Variants in RASGRP3 observed in about 807,000 individuals in gnomAD.
RASGRP3 encodes the protein ras guanyl-releasing protein 3.
Under a neutral mutation model 82.7 loss-of-function variants are expected in RASGRP3, and 54 were observed. That is an observed-to-expected ratio of 0.65 (90% confidence interval 0.52 to 0.82). The LOEUF is 0.82. RASGRP3 is among the 40% of genes least tolerant of loss of function. The probability of loss-of-function intolerance (pLI) is 0.00; values close to 1 mark genes in which losing one functional copy is unlikely to be tolerated. For missense variants in RASGRP3, 861 were observed against 828.9 expected (o/e 1.04, Z -0.48); for synonymous variants, 309 against 300.5 (o/e 1.03, Z -0.29).
chr2:33,439,017 G>A (rs1005727516), intron 1 of RASGRP3, among the ~76,000 whole-genome samples: 2 of 152,184 alleles, frequency 1.3e-5, no homozygotes, highest in African/African-American at 4.8e-5. Flanking sequence ...CATCTGGCCT[G>A]ACGCTGGGTG....
chr2:33,470,563 T>G (rs975126632), intron 2 of RASGRP3, among the ~76,000 whole-genome samples: 4 of 152,004 alleles, frequency 2.6e-5, no homozygotes, highest in Admixed American at 1.3e-4. Context: ...GTATTTTTAG[T>G]AGAGACAGGG....
chr2:33,457,791 T>C (rs2124436), intron 2 of RASGRP3, among the ~76,000 whole-genome samples: 148,654 of 152,208 alleles, frequency 0.98, 72,637 homozygotes, highest in African/African-American at 0.99. Flanking sequence ...TGGTGGGCAG[T>C]GTTCTTAACC....
chr2:33,539,641 C>T (rs1482537036), intron 12 of RASGRP3: 5 of 153,686 alleles, frequency 3.3e-5, no homozygotes, highest in African/African-American at 4.8e-5. Flanking sequence ...ACACAGCAGC[C>T]CGATGTTACT....
chr2:33,469,645 G>A (rs1379273330), intron 2 of RASGRP3, among the ~76,000 whole-genome samples: 1 of 152,020 alleles, frequency 6.6e-6, no homozygotes, highest in Non-Finnish European at 1.5e-5. Context: ...ATTTTTGGTA[G>A]AGAAGGGGTT....
intron 13 of RASGRP3, among the ~76,000 whole-genome samples, chr2:33,543,880 T>C (rs1674497040): frequency 6.6e-6 from 1 of 152,320 alleles, no homozygotes; most frequent in East Asian, 1.9e-4. Flanking sequence ...CTCCATTTGC[T>C]ATATTGCTTC....
intron 13 of RASGRP3, among the ~76,000 whole-genome samples, chr2:33,547,245 G>C (rs1248141094): frequency 1.3e-5 from 2 of 151,258 alleles, no homozygotes; most frequent in Non-Finnish European, 2.9e-5. Context: ...AGAGACGCTG[G>C]TGCCTCCTTG....
intron 2 of RASGRP3, among the ~76,000 whole-genome samples, chr2:33,514,322 T>C (rs569425465): frequency 2.6e-5 from 4 of 152,108 alleles, no homozygotes; most frequent in Admixed American, 6.5e-5. Flanking sequence ...CTTTTATTAA[T>C]ATTAAACCAA....
intron 12 of RASGRP3, among the ~76,000 whole-genome samples, chr2:33,541,722 G>A (rs1344518828): frequency 1.4e-5 from 2 of 147,014 alleles, no homozygotes; most frequent in South Asian, 2.2e-4. Context: ...TCTCATATAT[G>A]CTGCAAATAA....
intron 2 of RASGRP3, among the ~76,000 whole-genome samples, chr2:33,455,422 T>C (rs1177537979): frequency 2.0e-5 from 3 of 152,210 alleles, no homozygotes; most frequent in Non-Finnish European, 4.4e-5. Flanking sequence ...TATTTTATCA[T>C]CCCAGTGATC....
intron 1 of RASGRP3, among the ~76,000 whole-genome samples, chr2:33,442,323 C>G (rs940801263): frequency 2.0e-5 from 3 of 152,140 alleles, no homozygotes; most frequent in African/African-American, 7.2e-5. Context: ...AAGATCGCGC[C>G]GCTGCACTCC....
At chr2:33,558,007 A>G (rs1676197831) in intron 15 of RASGRP3, among the ~76,000 whole-genome samples, 1 of 152,014 alleles carries the variant, frequency 6.6e-6, no homozygotes, top group East Asian at 1.9e-4. Context: ...AATCTAAGAG[A>G]ATTTTCGGAA....
chr2:33,469,157 C>G (rs918973812), intron 2 of RASGRP3, among the ~76,000 whole-genome samples: 3 of 152,060 alleles, frequency 2.0e-5, no homozygotes, highest in Non-Finnish European at 4.4e-5. Flanking sequence ...CCCTTGTGAA[C>G]TATTTATTAA....
chr2:33,558,715 C>G lies in RASGRP3; in HGVS notation c.1749C>G (p.His583Gln). Residue 583 changes from histidine to glutamine, a missense_variant, in exon 17 of 18, where the codon CAC (histidine) becomes CAG (glutamine). Coordinates refer to ENST00000403687, the MANE Select transcript of RASGRP3 (RefSeq NM_001139488.2). The stretch of plus-strand genomic sequence containing the variant: ...AGTTCCCTGGAGTCACTGCTGGACA[C>G]AGGGATTTAGACAGCAGAGCCATCA... ...VFEFPGVTAGHRDLDSRAITL... is the reference protein window; with the variant it reads ...VFEFPGVTAGQRDLDSRAITL... 4.3e-6 allele frequency: 7 copies of G among 1,613,306 alleles called. No homozygotes were observed. The highest frequency in any genetic ancestry group is 5.1e-6 in the Non-Finnish European group (6 of 1,179,634).
intron 1 of RASGRP3, among the ~76,000 whole-genome samples, chr2:33,494,130 T>G (rs923450757): frequency 4.6e-5 from 7 of 152,218 alleles, no homozygotes; most frequent in Non-Finnish European, 8.8e-5. Flanking sequence ...GGGGCTCTCC[T>G]TTATAGAATG....
chr2:33,559,749 C>G, intron 17 of RASGRP3: 1 of 432,186 alleles, frequency 2.3e-6, no homozygotes, highest in South Asian at 1.7e-5. Context: ...CCATTGCCAC[C>G]CTGTCGAATT....
chr2:33,451,718 C>T (rs1003479191), intron 2 of RASGRP3, among the ~76,000 whole-genome samples: 1 of 151,390 alleles, frequency 6.6e-6, no homozygotes, highest in Admixed American at 6.6e-5. Flanking sequence ...ATTTAATCTG[C>T]TTGGGGCTAT....
chr2:33,502,435 A>G (rs576048436), intron 1 of RASGRP3, among the ~76,000 whole-genome samples: 4 of 151,480 alleles, frequency 2.6e-5, no homozygotes, highest in East Asian at 1.9e-4. Flanking sequence ...TCCTTTTACA[A>G]CCTACCAACA....
chr2:33,464,467 T>C lies in RASGRP3; in HGVS notation c.-261+16524T>C, dbSNP rs1228392840. On this transcript the variant is annotated intron_variant, in intron 2 of 18. Coordinates refer to the RASGRP3 transcript ENST00000402538. Reference sequence around the variant, plus strand: ...ATCTATTTTGGTGATCTGTGATCAGTGATCTTTTTTTAAAAAAAAAAAAAA... The same window carrying C: ...ATCTATTTTGGTGATCTGTGATCAGCGATCTTTTTTTAAAAAAAAAAAAAA... Among the ~76,000 whole-genome samples, 9 of 133,836 alleles carry C rather than the reference T, an allele frequency of 6.7e-5. No homozygotes were observed. The East Asian group carries it at 1.2e-3, about 18-fold the overall frequency. 87.8% of individuals were successfully genotyped at this position (133,836 alleles called of 152,430 possible). A position where few individuals can be genotyped will look rare whatever the true frequency, so the allele number is the denominator to read the frequency against.
At chr2:33,557,395 G>C (rs1255305759) in intron 15 of RASGRP3, among the ~76,000 whole-genome samples, 1 of 152,092 alleles carries the variant, frequency 6.6e-6, no homozygotes, top group Non-Finnish European at 1.5e-5. Context: ...GAAAGGTTTT[G>C]GAAAATGAAG....
Sources: allele counts gnomAD v4.1 joint callset (sites outside exome capture counted in the v4.1 genomes callset), GRCh38; gene constraint gnomAD v4.1.1; transcripts MANE v1.5; gene names NCBI Gene and HGNC (gene_info 2026-07-23, HGNC 2026-07-21).